TRANK1: variants seen among roughly 807,000 people sequenced by gnomAD.
TRANK1 encodes the protein TPR and ankyrin repeat-containing protein 1.
A neutral mutation model predicts 266.0 loss-of-function variants in TRANK1; 198 were observed. That is an observed-to-expected ratio of 0.74 (90% CI 0.66 to 0.84). TRANK1 has a LOEUF of 0.84. Among genes scored for constraint, TRANK1 ranks in the 40% least tolerant of loss-of-function variants. The probability of loss-of-function intolerance (pLI) is 0.00; values close to 1 mark genes in which losing one functional copy is unlikely to be tolerated. For synonymous variants in TRANK1, 1,396 were observed against 1,384.1 expected (o/e 1.01, Z -0.19); for missense variants, 3,326 against 3,634.6 (o/e 0.92, Z 2.18).
At chr3:36,873,700 C>T (rs1253853522) in intron 9 of TRANK1, among the ~76,000 whole-genome samples, 1 of 151,878 alleles carries the variant, frequency 6.6e-6, no homozygotes, top group Non-Finnish European at 1.5e-5. Context: ...TTTACGTGGT[C>T]TTGTCAGCAG....
At chr3:36,935,968 C>T (rs184601787) in intron 1 of TRANK1, among the ~76,000 whole-genome samples, 6 of 152,162 alleles carry the variant, frequency 3.9e-5, no homozygotes, top group South Asian at 4.1e-4. Flanking sequence ...GGCCATTTCC[C>T]ATAAAGCCAG....
Position 36,857,475 on chromosome 3 carries a change from G to A in TRANK1, c.2247C>T (p.Phe749=), listed in dbSNP as rs895575195. 6.2e-7 allele frequency: 1 copy of A among 1,613,954 alleles called. No homozygotes were observed. The highest frequency in any genetic ancestry group is 8.5e-7 in the Non-Finnish European group (1 of 1,179,864). The stretch of plus-strand genomic sequence containing the variant: ...CAGAGCTCTGAAGACAGTCCTCTGG[G>A]AAAGACGGATCCACTTCAACCTGCT... ...LIQQVEVDPS[F]PEDCLQSSEP... is the part of the protein sequence containing the mutation. Residue 749 remains phenylalanine (F), a synonymous_variant, in exon 13 of 24, where the codon TTC becomes TTT. Transcript: ENST00000645898. This position sits in a 1 kb window ranked among gnomAD's most constrained non-coding sequence, Gnocchi z 4.3.
chr3:36,911,961 C>T (rs1226100321), intron 1 of TRANK1, among the ~76,000 whole-genome samples: 1 of 152,130 alleles, frequency 6.6e-6, no homozygotes, highest in Non-Finnish European at 1.5e-5. Flanking sequence ...CCGAAGCAGG[C>T]AGATTAGCTG....
At chr3:36,844,143 T>C (rs144088917) in intron 17 of TRANK1, among the ~76,000 whole-genome samples, 8 of 152,338 alleles carry the variant, frequency 5.3e-5, no homozygotes, top group Admixed American at 3.3e-4. Context: ...ATAAAATAAA[T>C]TGTGATCTGT....
intron 16 of TRANK1, among the ~76,000 whole-genome samples, chr3:36,846,967 A>C (rs1372243658): frequency 6.6e-6 from 1 of 151,940 alleles, no homozygotes; most frequent in Non-Finnish European, 1.5e-5. Flanking sequence ...AGAAAGGACA[A>C]CCCTTCTCCT....
At chr3:36,912,737 C>T (rs1210779558) in intron 1 of TRANK1, among the ~76,000 whole-genome samples, 1 of 152,166 alleles carries the variant, frequency 6.6e-6, no homozygotes, top group Non-Finnish European at 1.5e-5. Flanking sequence ...CTGTAACTGA[C>T]ATACAGGATT....
At chr3:36,835,114 T>C (rs1024001032) in intron 20 of TRANK1, among the ~76,000 whole-genome samples, 6 of 150,742 alleles carry the variant, frequency 4.0e-5, no homozygotes, top group Admixed American at 1.3e-4. Flanking sequence ...GGTCAGGAGA[T>C]TGAGACCATC....
At chr3:36,849,752 T>C (rs1200936355) in intron 15 of TRANK1, among the ~76,000 whole-genome samples, 1 of 152,238 alleles carries the variant, frequency 6.6e-6, no homozygotes, top group Non-Finnish European at 1.5e-5. Flanking sequence ...TTTCCTCTCA[T>C]CTGCTGACTG....
intron 3 of TRANK1, among the ~76,000 whole-genome samples, chr3:36,900,876 A>AAAAAAAAAAAAAAAAAAAAAAAT (rs2079869077): frequency 7.1e-6 from 1 of 141,512 alleles, no homozygotes; most frequent in Non-Finnish European, 1.5e-5. Flanking sequence ...AAAAAAAAAA[A>AAAAAAAAAAAAAAAAAAAAAAAT]GATAACAGGT....
At chr3:36,861,270 G>T in intron 10 of TRANK1, 110 bp from the exon 11 acceptor site, 1 of 1,327,264 alleles carries the variant, frequency 7.5e-7, no homozygotes. Flanking sequence ...ATATAAACAA[G>T]TAGTTGATTA....
rs1357013867 is a variant in TRANK1 at position 36,874,270 on chromosome 3, G to A, written c.934C>T (p.Leu312=). ...KRQTEDVQML[L]RFGADPTLLD... ...AAAGTGGGATCTGCCCCAAAGCGCA[G>A]GAGCATCTGCACATCCTCTGTTTGT... The change falls in exon 9 of 24, where the codon CTG becomes TTG. Residue 312 remains leucine, a synonymous_variant. Coordinates refer to ENST00000645898, the MANE Select transcript of TRANK1 (RefSeq NM_001329998.2). 3.9e-6 allele frequency: 6 copies of A among 1,537,108 alleles called. No individual in the cohort carries two copies. In the South Asian group the frequency reaches 5.9e-5, roughly 15 times the overall value.
intron 11 of TRANK1, among the ~76,000 whole-genome samples, chr3:36,860,577 T>C (rs980621805): frequency 1.3e-5 from 2 of 152,012 alleles, no homozygotes; most frequent in Non-Finnish European, 2.9e-5. Context: ...TAGCCAGAGG[T>C]CAGGAGGAAA....
Position 36,847,359 on chromosome 3 carries a change from A to G in TRANK1, c.4888-13T>C, listed in dbSNP as rs1421514469. 3.7e-6 allele frequency: 6 copies of G among 1,612,694 alleles called. No individual in the cohort carries two copies. Among genetic ancestry groups the G allele is most frequent in the Non-Finnish European group, 5.1e-6 (6 of 1,179,164 alleles). On this transcript the variant is annotated splice_polypyrimidine_tract_variant and intron_variant, in intron 15 of 23. Coordinates refer to ENST00000645898, the MANE Select transcript of TRANK1 (RefSeq NM_001329998.2). ...ATTCCTTATAAGCCTGAACAACAAC[A>G]AAAAAGTGAAGACCAACAGAATATG... is the stretch of plus-strand genomic sequence containing the variant.
intron 1 of TRANK1, among the ~76,000 whole-genome samples, chr3:36,933,661 G>A (rs545788253): frequency 1.3e-5 from 2 of 152,336 alleles, no homozygotes; most frequent in East Asian, 3.9e-4. Context: ...GATGTTTCAG[G>A]TTAATGGGAT....
chr3:36,879,929 C>CAAATATATGTAAATATAT (rs1559449404), intron 8 of TRANK1, among the ~76,000 whole-genome samples: 7 of 21,320 alleles, frequency 3.3e-4, no homozygotes, highest in Admixed American at 6.3e-4. Flanking sequence ...TGTAAACATG[C>CAAATATATGTAAATATAT]AAATATATGT....
intron 8 of TRANK1, among the ~76,000 whole-genome samples, chr3:36,883,484 A>G (rs1436182007): frequency 1.3e-5 from 2 of 151,610 alleles, no homozygotes; most frequent in Non-Finnish European, 2.9e-5. Context: ...AAGAGAAGAA[A>G]GAAAAAAGAA....
At position 36,889,881 on chromosome 3, in the gene TRANK1, G is replaced by A. The variant is rs370857220; in HGVS notation, c.855C>T (p.Gly285=). The A allele has an allele frequency of 2.6e-4, 399 of 1,537,140 alleles. No homozygotes were observed. The highest frequency in any genetic ancestry group is 1.0e-3 in the Middle Eastern group (6 of 6,012). The part of the protein sequence containing the change: ...KGRINQKDGD[G]CTVLHVVAAH... ...CAGCGACGACGTGCAGGACAGTGCA[G>A]CCATCCCCATCCTTCTGGTTAATGC... The change falls in exon 8 of 24, where the codon GGC becomes GGT. Residue 285 remains glycine (G), a synonymous_variant. Coordinates refer to ENST00000645898, the MANE Select transcript of TRANK1 (RefSeq NM_001329998.2).
At chr3:36,922,727 G>A (rs563107649) in intron 1 of TRANK1, among the ~76,000 whole-genome samples, 3 of 150,450 alleles carry the variant, frequency 2.0e-5, no homozygotes, top group Admixed American at 6.6e-5. Context: ...AGTGAGCCGA[G>A]ATCACACCAC....
intron 1 of TRANK1, among the ~76,000 whole-genome samples, chr3:36,923,932 C>T (rs1226419103): frequency 6.6e-6 from 1 of 152,040 alleles, no homozygotes; most frequent in Non-Finnish European, 1.5e-5. Flanking sequence ...GGCTGGCTGC[C>T]TTGCCTGAAG....
Sources: allele counts gnomAD v4.1 joint callset (sites outside exome capture counted in the v4.1 genomes callset), GRCh38; gene constraint gnomAD v4.1.1; non-coding constraint Gnocchi (gnomAD v3.1); transcripts MANE v1.5; gene names NCBI Gene and HGNC (gene_info 2026-07-23, HGNC 2026-07-21).